Variants in SDHB observed in about 807,000 individuals in gnomAD.
The protein encoded by SDHB is succinate dehydrogenase complex iron sulfur subunit B, also known as succinate dehydrogenase [ubiquinone] iron-sulfur subunit, mitochondrial.
A neutral mutation model predicts 39.7 loss-of-function variants in SDHB; 21 were observed. The ratio of observed to expected loss-of-function variants is 0.53; its 90% CI spans 0.37 to 0.76. SDHB has a LOEUF of 0.76. Among genes scored for constraint, SDHB ranks in the 30% least tolerant of loss-of-function variants. SDHB has a pLI of 0.00. For synonymous variants in SDHB, 118 were observed against 117.0 expected (o/e 1.01, Z -0.06); for missense variants, 343 against 350.9 (o/e 0.98, Z 0.18).
At chr1:17,023,742 C>CG (rs2077975912) in intron 6 of SDHB, among the ~76,000 whole-genome samples, 1 of 152,218 alleles carries the variant, frequency 6.6e-6, no homozygotes, top group Non-Finnish European at 1.5e-5. Flanking sequence ...GCATGGTTTG[C>CG]ACCCCTTTGG....
rs144415762 is a variant in SDHB at position 17,041,976 on chromosome 1, C to A, written c.200+2785G>T. Among the ~76,000 whole-genome samples, 363 of 151,808 alleles carry A rather than the reference C, an allele frequency of 2.4e-3. 4 individuals carry two copies. The highest frequency in any genetic ancestry group is 0.018 in the Admixed American group (275 of 15,248). On this transcript the variant is annotated intron_variant, in intron 2 of 7. Transcript: ENST00000375499. ...TCACTCTGTTGCCCAGGCTGGAGTG[C>A]AGTGGTGTGATCTTGGCTCACTGCA...
chr1:17,048,650 A>C (rs1181971426), intron 1 of SDHB, among the ~76,000 whole-genome samples: 1 of 152,050 alleles, frequency 6.6e-6, no homozygotes, highest in African/African-American at 2.4e-5. Flanking sequence ...AAATGGGGCT[A>C]CTTCAAGTTT....
intron 7 of SDHB, among the ~76,000 whole-genome samples, chr1:17,022,007 C>T (rs2077964413): frequency 6.6e-6 from 1 of 152,196 alleles, no homozygotes; most frequent in Non-Finnish European, 1.5e-5. Flanking sequence ...AGAAGGTGAG[C>T]TGGGCCAATG....
chr1:17,041,086 C>T (rs934286368), intron 2 of SDHB, among the ~76,000 whole-genome samples: 1 of 151,988 alleles, frequency 6.6e-6, no homozygotes, highest in African/African-American at 2.4e-5. Flanking sequence ...GCCAAGATTG[C>T]GCCACTGCAC....
In SDHB at chr1:17,023,968, C is replaced by T. The variant is rs755486893; in HGVS notation, c.642+5G>A. 5 of 1,604,950 alleles carry T rather than the reference C, an allele frequency of 3.1e-6. No individual in the cohort carries two copies. The highest frequency in any genetic ancestry group is 4.3e-6 in the Non-Finnish European group (5 of 1,172,008). ...TTCTCTTAAAGCAATTAAGGAGCAC[C>T]TCACCTGCATAAGAACTGCAGGCCC... is the stretch of plus-strand genomic sequence containing the variant. On this transcript the variant is annotated splice_donor_5th_base_variant and intron_variant, in intron 6 of 7. Coordinates refer to ENST00000375499, the MANE Select transcript of SDHB (RefSeq NM_003000.3).
chr1:17,043,714 GAA>G (rs2078093604), intron 2 of SDHB, among the ~76,000 whole-genome samples: 1 of 152,122 alleles, frequency 6.6e-6, no homozygotes, highest in East Asian at 1.9e-4. Flanking sequence ...GTGATGTGAA[GAA>G]GAACTCAACC....
At chr1:17,029,324 T>C (rs1031261146) in intron 3 of SDHB, among the ~76,000 whole-genome samples, 1 of 152,008 alleles carries the variant, frequency 6.6e-6, no homozygotes, top group African/African-American at 2.4e-5. Flanking sequence ...GGTTTTGTTA[T>C]GTTGCCCAGG....
chr1:17,049,867 G>C (rs943151229), intron 1 of SDHB, among the ~76,000 whole-genome samples: 2 of 150,136 alleles, frequency 1.3e-5, no homozygotes, highest in African/African-American at 4.9e-5. Context: ...GGATGGTCTT[G>C]AACTCCTGAT....
intron 1 of SDHB, among the ~76,000 whole-genome samples, chr1:17,045,931 T>C (rs569439760): frequency 9.2e-5 from 14 of 152,300 alleles, no homozygotes; most frequent in Admixed American, 5.2e-4. Flanking sequence ...GGAGTGTACT[T>C]TCATTTCAAT....
chr1:17,042,131 T>A (rs751895717), intron 2 of SDHB, among the ~76,000 whole-genome samples: 7 of 151,942 alleles, frequency 4.6e-5, no homozygotes, highest in Non-Finnish European at 8.8e-5. Context: ...CATGTCGGCC[T>A]GCTTTGGCCT....
At chr1:17,047,964 C>T (rs1030716559) in intron 1 of SDHB, among the ~76,000 whole-genome samples, 2 of 152,104 alleles carry the variant, frequency 1.3e-5, no homozygotes, top group Admixed American at 1.3e-4. Context: ...TAGGCATGAG[C>T]CACCATGCCA....
At chr1:17,053,751 C>A (rs2078161568) in intron 1 of SDHB, among the ~76,000 whole-genome samples, 197 bp downstream of exon 1, 1 of 151,190 alleles carries the variant, frequency 6.6e-6, no homozygotes. Flanking sequence ...CCCTAACTCA[C>A]AAGCTGCTGC....
rs143404644 is a variant in SDHB at position 17,045,359 on chromosome 1, G to C, written c.73-471C>G. 1.7e-4 allele frequency: 31 copies of C among 183,432 alleles called. No homozygotes were observed. In the East Asian group the frequency reaches 4.5e-3, roughly 27 times the overall value. The allele number at this position is 183,432 out of a possible 1,614,324, so 11.4% of individuals were successfully genotyped here. A position where few individuals can be genotyped will look rare whatever the true frequency, so the allele number is the denominator to read the frequency against. Reference sequence around the variant, plus strand: ...CTGAGGGTGGTGGCTCATGCCTGCAGTCTCAGCACTTTGGGAGGCAGAAGT... The same window carrying C: ...CTGAGGGTGGTGGCTCATGCCTGCACTCTCAGCACTTTGGGAGGCAGAAGT... On this transcript the variant is annotated intron_variant, in intron 1 of 7. Transcript: ENST00000375499.
intron 1 of SDHB, among the ~76,000 whole-genome samples, chr1:17,050,833 TC>T (rs944961237): frequency 7.2e-5 from 11 of 152,304 alleles, no homozygotes; most frequent in Non-Finnish European, 1.6e-4. Context: ...TTATCTGTGT[TC>T]CACCAAAAAA....
intron 1 of SDHB, among the ~76,000 whole-genome samples, chr1:17,047,107 G>C (rs1389131032): frequency 1.3e-5 from 2 of 152,170 alleles, no homozygotes; most frequent in Admixed American, 6.5e-5. Context: ...CTGTATCCCA[G>C]TACTTTGGGA....
At position 17,028,662 on chromosome 1, in the gene SDHB, G is replaced by A. The variant is rs1194401420; in HGVS notation, c.361C>T (p.Leu121Phe). 1.9e-6 allele frequency: 3 copies of A among 1,614,142 alleles called. No individual in the cohort carries two copies. The highest frequency in any genetic ancestry group is 2.5e-6 in the Non-Finnish European group (3 of 1,179,984). ...GGGTAGATTTTTGAGACCTTATTGA[G>A]GTTGGTGTCAATCCTTCGGGTGCAA... ...LACTRRIDTN[L>F]NKVSKIYPLP... Residue 121 changes from leucine to phenylalanine, a missense_variant, in exon 4 of 8, where the codon CTC becomes TTC. Transcript: ENST00000375499.
intron 5 of SDHB, among the ~76,000 whole-genome samples, chr1:17,026,039 G>C (rs1286481515): frequency 6.6e-6 from 1 of 152,198 alleles, no homozygotes; most frequent in African/African-American, 2.4e-5. Context: ...TTAGGATAAG[G>C]AATACTCAAC....
intron 1 of SDHB, among the ~76,000 whole-genome samples, chr1:17,045,451 A>G (rs995327233): frequency 1.3e-5 from 2 of 152,042 alleles, no homozygotes; most frequent in African/African-American, 4.8e-5. Flanking sequence ...CCATCTCTAC[A>G]AAAAATAAAA....
chr1:17,031,880 C>T (rs1317129614), intron 3 of SDHB, among the ~76,000 whole-genome samples: 1 of 152,070 alleles, frequency 6.6e-6, no homozygotes, highest in Non-Finnish European at 1.5e-5. Flanking sequence ...TGGCTGACTC[C>T]CGGCTCTCAA....
Sources: allele counts gnomAD v4.1 joint callset (sites outside exome capture counted in the v4.1 genomes callset), GRCh38; gene constraint gnomAD v4.1.1; transcripts MANE v1.5; gene names NCBI Gene and HGNC (gene_info 2026-07-23, HGNC 2026-07-21).